TTC27: variants seen among roughly 807,000 people sequenced by gnomAD.
The protein encoded by TTC27 is tetratricopeptide repeat domain 27.
A neutral mutation model predicts 115.9 loss-of-function variants in TTC27; 79 were observed. The observed-to-expected ratio is 0.68, with a 90% confidence interval of 0.57 to 0.82. The LOEUF (loss-of-function observed/expected upper bound fraction) is 0.82, where lower values mean the gene tolerates loss of function less well. TTC27 is among the 40% of genes least tolerant of loss of function. The pLI is 0.00. For missense variants in TTC27, 1,054 were observed against 993.1 expected (o/e 1.06, Z -0.82); for synonymous variants, 401 against 356.0 (o/e 1.13, Z -1.42).
At chr2:32,630,472 G>T (rs370134644) in intron 1 of TTC27, 51 bp from the exon 2 acceptor site, 4 of 1,416,652 alleles carry the variant, frequency 2.8e-6, no homozygotes, top group Non-Finnish European at 3.9e-6. Context: ...ATCCTTTACG[G>T]TATGAAAAAT....
chr2:32,817,218 A>T (rs1671528193), intron 18 of TTC27, among the ~76,000 whole-genome samples: 2 of 151,712 alleles, frequency 1.3e-5, no homozygotes, highest in Admixed American at 1.3e-4. Flanking sequence ...ACACCTCCAG[A>T]CTGAGCGACA....
In TTC27 at chr2:32,769,972, G is replaced by T. The variant is rs1001333367; in HGVS notation, c.1681-7910G>T. 6.3e-4 allele frequency among the ~76,000 whole-genome samples: 96 copies of T among 152,108 alleles called. 1 individual carries two copies. The highest frequency in any genetic ancestry group is 1.3e-4 in the Non-Finnish European group (9 of 68,026). On this transcript the variant is annotated intron_variant, in intron 13 of 19. Coordinates refer to ENST00000317907, the MANE Select transcript of TTC27 (RefSeq NM_017735.5). ...CCTGGCAATGCTTTTGGGTGGCCTT[G>T]TAAATAAGGATGTGAATGGTCAGAA...
chr2:32,781,153 A>T (rs969667980), intron 14 of TTC27, among the ~76,000 whole-genome samples: 2 of 152,248 alleles, frequency 1.3e-5, no homozygotes, highest in Admixed American at 6.5e-5. Flanking sequence ...GAAGCTGCAG[A>T]TAAAACTGGT....
intron 12 of TTC27, among the ~76,000 whole-genome samples, chr2:32,752,993 A>C (rs1669069205): frequency 6.6e-6 from 1 of 152,104 alleles, no homozygotes; most frequent in Non-Finnish European, 1.5e-5. Context: ...TTTCCCTCTC[A>C]TGGTTTCTGT....
chr2:32,812,518 C>T lies in TTC27; in HGVS notation c.2211C>T (p.Leu737=). 6.2e-7 allele frequency: 1 copy of T among 1,612,878 alleles called. No individual in the cohort carries two copies. Among genetic ancestry groups the T allele is most frequent in the Non-Finnish European group, 8.5e-7 (1 of 1,178,908 alleles). Residue 737 remains leucine (L), a synonymous_variant, in exon 18 of 20, where the codon CTC becomes CTT. Coordinates refer to ENST00000317907, the MANE Select transcript of TTC27 (RefSeq NM_017735.5). ...PDENEKAFQC[L]SKAYKCDTQS... ...TCCTTCCTCAGGCATTCCAGTGCCT[C>T]TCAAAGGCATACAAGTGTGACACCC... is the stretch of plus-strand genomic sequence containing the variant.
chr2:32,659,427 A>G (rs1399048213), intron 5 of TTC27, among the ~76,000 whole-genome samples: 1 of 134,954 alleles, frequency 7.4e-6, no homozygotes, highest in Admixed American at 7.9e-5. Flanking sequence ...CCAATTTAAT[A>G]TTTGGTTCTA....
chr2:32,657,133 C>T (rs1028770922), intron 5 of TTC27, among the ~76,000 whole-genome samples: 1 of 151,744 alleles, frequency 6.6e-6, no homozygotes, highest in Non-Finnish European at 1.5e-5. Flanking sequence ...CTACAGGTGC[C>T]CACCACCGTG....
chr2:32,670,743 G>A (rs1395789689), intron 7 of TTC27, among the ~76,000 whole-genome samples: 1 of 151,854 alleles, frequency 6.6e-6, no homozygotes, highest in Non-Finnish European at 1.5e-5. Context: ...TCAGCCTCCC[G>A]AGTAGCTGGG....
chr2:32,804,624 AATATT>A (rs1436626337), intron 16 of TTC27, among the ~76,000 whole-genome samples: 2 of 152,186 alleles, frequency 1.3e-5, no homozygotes, highest in African/African-American at 2.4e-5. Flanking sequence ...CAGTTTACAT[AATATT>A]ATATTATAAA....
At chr2:32,804,293 T>G (rs1338453957) in intron 16 of TTC27, among the ~76,000 whole-genome samples, 2 of 152,174 alleles carry the variant, frequency 1.3e-5, no homozygotes, top group African/African-American at 2.4e-5. Flanking sequence ...AATACCTCAT[T>G]TATCTCGAGT....
chr2:32,721,816 T>C (rs1009368948), intron 10 of TTC27, among the ~76,000 whole-genome samples: 48 of 152,088 alleles, frequency 3.2e-4, no homozygotes, highest in African/African-American at 1.1e-3. Flanking sequence ...TTTTCATTTT[T>C]TTAGAGGTGA....
chr2:32,714,515 A>G (rs1489494373), intron 10 of TTC27, among the ~76,000 whole-genome samples: 4 of 152,180 alleles, frequency 2.6e-5, no homozygotes, highest in Admixed American at 2.0e-4. Context: ...GGTTGAGTCC[A>G]TGCCTTTGCT....
At chr2:32,704,914 G>T (rs192249793) in intron 10 of TTC27, 1 of 471,110 alleles carries the variant, frequency 2.1e-6, no homozygotes, top group East Asian at 6.9e-5. Context: ...TGATCATTCA[G>T]TAAGCTTGTG....
intron 16 of TTC27, among the ~76,000 whole-genome samples, chr2:32,789,613 A>C (rs1362628772): frequency 6.6e-6 from 1 of 152,114 alleles, no homozygotes; most frequent in Non-Finnish European, 1.5e-5. Flanking sequence ...AATTTTAAGA[A>C]CATTTGCTTA....
chr2:32,634,760 A>C (rs1481835912), intron 3 of TTC27, among the ~76,000 whole-genome samples: 1 of 151,898 alleles, frequency 6.6e-6, no homozygotes, highest in Non-Finnish European at 1.5e-5. Flanking sequence ...GGGTTCAAGC[A>C]ATTCTTCTGC....
chr2:32,726,195 G>T (rs1394656505), intron 10 of TTC27, among the ~76,000 whole-genome samples: 1 of 152,166 alleles, frequency 6.6e-6, no homozygotes. Flanking sequence ...TTAACATTCG[G>T]CTCCTGGTTA....
At chr2:32,662,566 A>T (rs964318701) in intron 5 of TTC27, among the ~76,000 whole-genome samples, 1 of 152,102 alleles carries the variant, frequency 6.6e-6, no homozygotes, top group Admixed American at 6.5e-5. Flanking sequence ...AGAGGTTTTT[A>T]TAGTATTCTC....
In TTC27 at chr2:32,784,779, G is replaced by T. The variant is rs865950378; in HGVS notation, c.1832+2101G>T. Among the ~76,000 whole-genome samples, 27 of 152,190 alleles carry T rather than the reference G, an allele frequency of 1.8e-4. 1 individual carries two copies. The highest frequency in any genetic ancestry group is 5.9e-4 in the Admixed American group (9 of 15,276). ...TAGGAAAAAGGATAATCCTCATGGT[G>T]TGGATTTTTACTTGTTGAGTTCACC... is the stretch of plus-strand genomic sequence containing the variant. On this transcript the variant is annotated intron_variant, in intron 15 of 19. Coordinates refer to ENST00000317907, the MANE Select transcript of TTC27 (RefSeq NM_017735.5).
intron 16 of TTC27, among the ~76,000 whole-genome samples, chr2:32,789,846 G>A (rs1333308789): frequency 6.9e-6 from 1 of 145,446 alleles, no homozygotes; most frequent in Non-Finnish European, 1.5e-5. Flanking sequence ...CCTGAGGCTG[G>A]AGAGGTTGAA....
Sources: gnomAD v4.1 joint callset for allele counts (sites outside exome capture counted in the v4.1 genomes callset) on GRCh38, gnomAD v4.1.1 for gene constraint, MANE v1.5 for transcripts, NCBI Gene and HGNC (gene_info 2026-07-23, HGNC 2026-07-21) for gene names.